Variants in ARHGEF7 observed in about 807,000 individuals in gnomAD.
ARHGEF7 encodes the protein Rho guanine nucleotide exchange factor 7.
In ARHGEF7, 33 loss-of-function variants were observed where a neutral mutation model predicts 109.8. That is an observed-to-expected ratio of 0.30 (90% CI 0.23 to 0.40). The LOEUF (loss-of-function observed/expected upper bound fraction) is 0.40, where lower values mean the gene tolerates loss of function less well. ARHGEF7 is among the 10% of genes least tolerant of loss of function. ARHGEF7 has a pLI of 1.00. For synonymous variants in ARHGEF7, 458 were observed against 424.6 expected (o/e 1.08, Z -0.97); for missense variants, 938 against 1,098.5 (o/e 0.85, Z 2.07).
At chr13:111,198,086 G>T (rs72653505) in intron 2 of ARHGEF7, among the ~76,000 whole-genome samples, 3,554 of 152,204 alleles carry the variant, frequency 0.023, 70 homozygotes, top group Middle Eastern at 0.11. Context: ...AAGTACAGGA[G>T]AAGTGGAAGC....
rs909396579 is a variant in ARHGEF7, at chr13:111,301,565, T to A, written c.2466+33T>A. 5 of 1,548,110 alleles carry A rather than the reference T, an allele frequency of 3.2e-6. No individual in the cohort carries two copies. The African/African-American group carries it at 6.8e-5, about 21-fold the overall frequency. On this transcript the variant is annotated intron_variant, in intron 21 of 21. Coordinates refer to ENST00000646102, the MANE Select transcript of ARHGEF7 (RefSeq NM_001354046.2). ...ATAATCCATCTTTAAATCTTTTTTT[T>A]CTTTTCAAATGGGAGAAAAGAAGAA...
intron 2 of ARHGEF7, among the ~76,000 whole-genome samples, chr13:111,192,883 C>T (rs1300149857): frequency 1.3e-5 from 2 of 152,140 alleles, no homozygotes; most frequent in Non-Finnish European, 2.9e-5. Flanking sequence ...GAGGTATCAA[C>T]ACACACCAAT....
At chr13:111,281,017 T>G (rs2092746314) in intron 15 of ARHGEF7, 1 of 183,980 alleles carries the variant, frequency 5.4e-6, no homozygotes, top group Non-Finnish European at 1.1e-5. Context: ...TTTTAACTGT[T>G]TATTATGCTT....
intron 1 of ARHGEF7, among the ~76,000 whole-genome samples, chr13:111,139,590 G>A (rs920044874): frequency 1.3e-5 from 2 of 149,898 alleles, no homozygotes; most frequent in African/African-American, 4.9e-5. Flanking sequence ...ACTGGCGGGT[G>A]CCTGTGTGGA....
intron 18 of ARHGEF7, among the ~76,000 whole-genome samples, chr13:111,291,217 C>A (rs760540370): frequency 1.3e-5 from 2 of 152,256 alleles, no homozygotes; most frequent in African/African-American, 2.4e-5. Context: ...GAGACCCTGG[C>A]GGCCCAGCCT....
At chr13:111,195,328 T>C (rs1374900435) in intron 2 of ARHGEF7, among the ~76,000 whole-genome samples, 1 of 152,010 alleles carries the variant, frequency 6.6e-6, no homozygotes, top group East Asian at 1.9e-4. Flanking sequence ...GGCTAATATA[T>C]CCCTCCCTAA....
intron 1 of ARHGEF7, chr13:111,122,685 ACACGCATGGAAGCG>A (rs1469466176): frequency 6.6e-6 from 1 of 152,246 alleles, no homozygotes; most frequent in Non-Finnish European, 1.5e-5. Flanking sequence ...TGACCCAATC[ACACGCATGGAAGCG>A]CACGCATGGA....
rs138995012 is a variant in ARHGEF7 at position 111,204,540 on chromosome 13, G to A, written c.253-749G>A. ...GACATGGCTGTGTGTGTGCACACGC[G>A]TTCTAGACACTAGTTGCCACATACC... On this transcript the variant is annotated intron_variant, in intron 2 of 21. Transcript: ENST00000646102. 1.2e-4 allele frequency among the ~76,000 whole-genome samples: 18 copies of A among 152,296 alleles called. No homozygotes were observed. The East Asian group carries it at 2.9e-3, about 25-fold the overall frequency.
chr13:111,181,222 A>G (rs933242471), intron 2 of ARHGEF7, among the ~76,000 whole-genome samples: 1 of 152,042 alleles, frequency 6.6e-6, no homozygotes, highest in Admixed American at 6.5e-5. Flanking sequence ...CATTGATCAC[A>G]TGGGGGTCTT....
chr13:111,266,964 G>A lies in ARHGEF7; in HGVS notation c.951-584G>A, dbSNP rs2091699956. ...GGCCCTGATGCCCACAGCTTGTGCC[G>A]ACTTGTCACCCCTCATGCAGCTTCC... is the stretch of plus-strand genomic sequence containing the variant. On this transcript the variant is annotated intron_variant, in intron 8 of 21. Transcript: ENST00000646102. The surrounding 1 kb of genome is among the most constrained non-coding windows in gnomAD (Gnocchi z 4.8). 2.2e-6 allele frequency: 1 copy of A among 452,978 alleles called. No individual in the cohort carries two copies. The highest frequency in any genetic ancestry group is 1.6e-5 in the South Asian group (1 of 64,488). 28.1% of individuals were successfully genotyped at this position (452,978 alleles called of 1,614,324 possible).
intron 2 of ARHGEF7, among the ~76,000 whole-genome samples, chr13:111,191,458 C>T (rs2079882865): frequency 6.6e-6 from 1 of 152,140 alleles, no homozygotes; most frequent in Non-Finnish European, 1.5e-5. Context: ...TATTCTTGGT[C>T]TTATCAGAGA....
intron 2 of ARHGEF7, among the ~76,000 whole-genome samples, chr13:111,164,962 A>G (rs900856873): frequency 6.6e-6 from 1 of 152,162 alleles, no homozygotes; most frequent in African/African-American, 2.4e-5. Flanking sequence ...AATATTGGCT[A>G]TGGGTTTTGT....
In ARHGEF7 at chr13:111,186,796, T is replaced by A. The variant is rs1256606827; in HGVS notation, c.253-18493T>A. The A allele has an allele frequency of 4.1e-6, 4 of 985,458 alleles. No homozygotes were observed. In the African/African-American group the frequency reaches 7.0e-5, roughly 17 times the overall value. 61.0% of individuals were successfully genotyped at this position (985,458 alleles called of 1,614,324 possible). A position where few individuals can be genotyped will look rare whatever the true frequency, so the allele number is the denominator to read the frequency against. The stretch of plus-strand genomic sequence containing the variant: ...GCAACGCAGACCACTAAAGCTTCAG[T>A]GAGCCCAGAAAGTGTGCGCTCAGTC... On this transcript the variant is annotated intron_variant, in intron 2 of 21. Transcript: ENST00000646102.
chr13:111,295,582 G>GC lies in ARHGEF7; in HGVS notation c.2311+3288_2311+3289insC, dbSNP rs542674571. 9.0e-3 allele frequency among the ~76,000 whole-genome samples: 1,368 copies of GC among 152,320 alleles called. 21 individuals are homozygous for GC. The highest frequency in any genetic ancestry group is 0.031 in the African/African-American group (1,294 of 41,552). ...ATAAAGTGCTTATCCAGCTAAGAGA[G>GC]TAATGAAGCAAAATAAAGGGAAAGG... On this transcript the variant is annotated intron_variant, in intron 19 of 21. Transcript: ENST00000646102.
At chr13:111,129,340 A>T (rs934831897) in intron 1 of ARHGEF7, among the ~76,000 whole-genome samples, 3 of 152,208 alleles carry the variant, frequency 2.0e-5, no homozygotes, top group Non-Finnish European at 4.4e-5. Context: ...CATGATCCAT[A>T]GAAGAAAGAA....
chr13:111,120,327 C>T (rs149988009), intron 1 of ARHGEF7, among the ~76,000 whole-genome samples: 1 of 152,336 alleles, frequency 6.6e-6, no homozygotes, highest in Non-Finnish European at 1.5e-5. Context: ...TTTATGTTGG[C>T]ATCACACAGA....
At chr13:111,293,716 C>T in intron 19 of ARHGEF7, 2 of 985,418 alleles carry the variant, frequency 2.0e-6, no homozygotes, top group Non-Finnish European at 2.4e-6. Context: ...TTGAGAATAA[C>T]ATTTTTTCCT....
Position 111,300,768 on chromosome 13 carries a change from C to G in ARHGEF7, c.2332C>G (p.Pro778Ala), listed in dbSNP as rs2093547138. The G allele has an allele frequency of 1.9e-6, 3 of 1,611,178 alleles. No homozygotes were observed. Among genetic ancestry groups the G allele is most frequent in the Admixed American group, 3.3e-5 (2 of 59,730 alleles). The change falls in exon 20 of 22, where the codon CCA (proline) becomes GCA (alanine). Residue 778 changes from proline to alanine, a missense_variant. By Grantham distance (27) the Pro-to-Ala change is conservative. Around this residue, in one of 4 missense-constraint regions of ARHGEF7, gnomAD observed 166 missense variants for 167.3 expected, o/e 0.99. Coordinates refer to ENST00000646102, the MANE Select transcript of ARHGEF7 (RefSeq NM_001354046.2). ...CCTAGGTTCACGCAAAGAATCTGCT[C>G]CACAAGTTTTGCTTCCAGAAGAAGA... is the stretch of plus-strand genomic sequence containing the variant. ...STSRSRKESAPQVLLPEEEKI... is the reference protein window; with the variant it reads ...STSRSRKESAAQVLLPEEEKI...
chr13:111,231,282 T>G (rs953794108), intron 5 of ARHGEF7, among the ~76,000 whole-genome samples: 1 of 152,204 alleles, frequency 6.6e-6, no homozygotes, highest in African/African-American at 2.4e-5. Context: ...GAAAAGAGAT[T>G]GAGTAGGTAA....
Sources: allele counts gnomAD v4.1 joint callset (sites outside exome capture counted in the v4.1 genomes callset), GRCh38; gene constraint gnomAD v4.1.1; regional missense constraint gnomAD v4.1.1; non-coding constraint Gnocchi (gnomAD v3.1); transcripts MANE v1.5; gene names NCBI Gene and HGNC (gene_info 2026-07-23, HGNC 2026-07-21).